Variants in PCDH15 observed in about 807,000 individuals in gnomAD.
PCDH15 encodes protocadherin-15.
A neutral mutation model predicts 178.5 loss-of-function variants in PCDH15; 129 were observed. That is an observed-to-expected ratio of 0.72 (90% CI 0.63 to 0.84). PCDH15 has a LOEUF of 0.84. PCDH15 is among the 40% of genes least tolerant of loss of function. The probability of loss-of-function intolerance (pLI) is 0.00; values close to 1 mark genes in which losing one functional copy is unlikely to be tolerated. For synonymous variants in PCDH15, 800 were observed against 732.0 expected (o/e 1.09, Z -1.50); for missense variants, 2,230 against 2,099.9 (o/e 1.06, Z -1.21).
At chr10:55,542,431 T>C (rs1841785480) in intron 2 of PCDH15, among the ~76,000 whole-genome samples, 1 of 151,050 alleles carries the variant, frequency 6.6e-6, no homozygotes, top group South Asian at 2.1e-4. Flanking sequence ...ACAGTATGTC[T>C]ACAGTATATG....
chr10:54,043,372 GCTCT>G (rs147452146), intron 18 of PCDH15, among the ~76,000 whole-genome samples: 1 of 150,190 alleles, frequency 6.7e-6, no homozygotes, highest in Non-Finnish European at 1.5e-5. Flanking sequence ...ATTACAACCT[GCTCT>G]CTCTCTCTCT....
chr10:54,917,658 T>C (rs1591782368), intron 2 of PCDH15, among the ~76,000 whole-genome samples: 1 of 152,126 alleles, frequency 6.6e-6, no homozygotes, highest in African/African-American at 2.4e-5. Context: ...CAAGCCTGCC[T>C]CTAAAGAACA....
intron 2 of PCDH15, among the ~76,000 whole-genome samples, chr10:55,550,464 T>C (rs1024149107): frequency 6.6e-6 from 1 of 152,154 alleles, no homozygotes; most frequent in African/African-American, 2.4e-5. Context: ...CGTGTTCTTA[T>C]AGAATACAGC....
chr10:54,885,653 G>A (rs1954345376), intron 3 of PCDH15, among the ~76,000 whole-genome samples: 1 of 151,974 alleles, frequency 6.6e-6, no homozygotes, highest in Non-Finnish European at 1.5e-5. Context: ...AAACTCATCT[G>A]GACACCAAAT....
chr10:54,854,083 ACAGT>A (rs1953692045), intron 3 of PCDH15, among the ~76,000 whole-genome samples: 2 of 152,196 alleles, frequency 1.3e-5, no homozygotes, highest in Non-Finnish European at 2.9e-5. Context: ...GCCACTGCAC[ACAGT>A]CAGTCATGAG....
chr10:55,347,618 G>T (rs1844798141), intron 2 of PCDH15, among the ~76,000 whole-genome samples: 1 of 152,104 alleles, frequency 6.6e-6, no homozygotes, highest in African/African-American at 2.4e-5. Context: ...TTACCCTAGG[G>T]CATTGAGAAT....
intron 2 of PCDH15, among the ~76,000 whole-genome samples, chr10:54,626,170 C>T (rs117892203): frequency 0.014 from 2,115 of 152,214 alleles, 27 homozygotes; most frequent in East Asian, 0.061. Context: ...AGGCATTCAG[C>T]TTTACAAAGG....
At chr10:54,070,904 T>TTTG (rs927869347) in intron 17 of PCDH15, among the ~76,000 whole-genome samples, 1 of 152,076 alleles carries the variant, frequency 6.6e-6, no homozygotes, top group African/African-American at 2.4e-5. Flanking sequence ...TCTTTTGTTT[T>TTTG]TTGTTGTTGT....
chr10:54,884,290 A>G (rs534501090), intron 3 of PCDH15, among the ~76,000 whole-genome samples: 1 of 150,204 alleles, frequency 6.7e-6, no homozygotes, highest in Admixed American at 6.7e-5. Context: ...TTCAAAAGAA[A>G]AGGCTATCAA....
chr10:54,486,368 T>C (rs1339340907), intron 3 of PCDH15: 2 of 152,086 alleles, frequency 1.3e-5, no homozygotes, highest in Non-Finnish European at 2.9e-5. Flanking sequence ...TATTAGAGTA[T>C]GGATATTTGA....
chr10:53,932,948 T>A (rs1247217122), intron 25 of PCDH15, among the ~76,000 whole-genome samples: 1 of 152,040 alleles, frequency 6.6e-6, no homozygotes, highest in Non-Finnish European at 1.5e-5. Context: ...TGTTGAAAAT[T>A]GTGTGGCACC....
intron 2 of PCDH15, among the ~76,000 whole-genome samples, chr10:54,971,413 G>A (rs887083274): frequency 9.2e-5 from 14 of 152,040 alleles, no homozygotes; most frequent in African/African-American, 3.4e-4. Flanking sequence ...TGAAAGTACA[G>A]CCTGGGCCCT....
In PCDH15 at chr10:55,334,238, A is replaced by G. The variant is rs906301720; in HGVS notation, c.-155-167587T>C. Among the ~76,000 whole-genome samples, 24 of 97,318 alleles carry G rather than the reference A, an allele frequency of 2.5e-4. No homozygotes were observed. In the East Asian group the frequency reaches 2.7e-3, roughly 11 times the overall value. The allele number at this position is 97,318 out of a possible 152,430, so 63.8% of individuals were successfully genotyped here. The stretch of plus-strand genomic sequence containing the variant: ...GGGTGCTCCATATATATATATATAT[A>G]TATATGTGTGTGTGTGTGTGTGTGT... On this transcript the variant is annotated intron_variant, in intron 2 of 5. Coordinates refer to the PCDH15 transcript ENST00000613346.
At chr10:54,495,258 A>G (rs554305569) in intron 3 of PCDH15, among the ~76,000 whole-genome samples, 1 of 152,316 alleles carries the variant, frequency 6.6e-6, no homozygotes, top group African/African-American at 2.4e-5. Flanking sequence ...GTGCAAATAT[A>G]TGTGGCTATA....
chr10:54,161,239 C>A (rs572995493), intron 13 of PCDH15, among the ~76,000 whole-genome samples: 1 of 152,214 alleles, frequency 6.6e-6, no homozygotes, highest in Non-Finnish European at 1.5e-5. Context: ...TTGATTCATG[C>A]CACAGCATAG....
At chr10:54,639,213 T>C (rs1456441056) in intron 2 of PCDH15, among the ~76,000 whole-genome samples, 1 of 152,154 alleles carries the variant, frequency 6.6e-6, no homozygotes, top group Non-Finnish European at 1.5e-5. Flanking sequence ...ATTTGTTACA[T>C]TGTACACATG....
chr10:54,683,762 T>G (rs1279967964), intron 1 of PCDH15, among the ~76,000 whole-genome samples: 1 of 152,114 alleles, frequency 6.6e-6, no homozygotes, highest in Non-Finnish European at 1.5e-5. Flanking sequence ...TTGCAGTGAT[T>G]AAAGCTTGCG....
chr10:54,112,147 A>G (rs2095037394), intron 15 of PCDH15, among the ~76,000 whole-genome samples: 1 of 151,462 alleles, frequency 6.6e-6, no homozygotes, highest in African/African-American at 2.4e-5. Context: ...GTCTCAAAAT[A>G]AATAAATAAA....
At chr10:55,414,770 G>GTGT (rs1838433695) in intron 2 of PCDH15, among the ~76,000 whole-genome samples, 5 of 146,868 alleles carry the variant, frequency 3.4e-5, no homozygotes, top group African/African-American at 1.0e-4. Flanking sequence ...TCTAACAAGG[G>GTGT]GTGTGTGTGT....
Sources: allele counts gnomAD v4.1 joint callset (sites outside exome capture counted in the v4.1 genomes callset), GRCh38; gene constraint gnomAD v4.1.1; transcripts MANE v1.5; gene names NCBI Gene and HGNC (gene_info 2026-07-23, HGNC 2026-07-21).